Variants in KIF16B observed in about 807,000 individuals in gnomAD.
KIF16B encodes the protein kinesin family member 16B.
In KIF16B, 98 loss-of-function variants were observed where a neutral mutation model predicts 156.3. That is an observed-to-expected ratio of 0.63 (90% CI 0.53 to 0.74). KIF16B has a LOEUF of 0.74. KIF16B is among the 30% of genes least tolerant of loss of function. The pLI is 0.00. For synonymous variants in KIF16B, 564 were observed against 583.7 expected, an observed-to-expected ratio of 0.97 and a Z score of 0.49; for missense variants, 1,421 against 1,606.5, an observed-to-expected ratio of 0.88 and a Z score of 1.97.
chr20:16,558,930 G>C (rs1359530775), intron 1 of KIF16B, among the ~76,000 whole-genome samples: 4 of 151,448 alleles, frequency 2.6e-5, no homozygotes, highest in African/African-American at 4.8e-5. Flanking sequence ...AACCAAGTGG[G>C]GGTAAATTTG....
intron 24 of KIF16B, among the ~76,000 whole-genome samples, chr20:16,316,040 C>T (rs2063693210): frequency 6.6e-6 from 1 of 152,230 alleles, no homozygotes; most frequent in Admixed American, 6.5e-5. Context: ...TAGAAACCAC[C>T]TCCATGTCTC....
chr20:16,287,749 G>A (rs902208249), intron 25 of KIF16B, among the ~76,000 whole-genome samples: 1 of 152,202 alleles, frequency 6.6e-6, no homozygotes, highest in Admixed American at 6.5e-5. Context: ...AGCTTCTGGG[G>A]AAACCTCACA....
At chr20:16,412,836 A>G (rs1354677190) in intron 15 of KIF16B, among the ~76,000 whole-genome samples, 1 of 152,128 alleles carries the variant, frequency 6.6e-6, no homozygotes, top group African/African-American at 2.4e-5. Flanking sequence ...GTTAAAACTT[A>G]TATGTATACT....
intron 10 of KIF16B, among the ~76,000 whole-genome samples, chr20:16,498,972 T>C (rs893508296): frequency 2.6e-5 from 4 of 152,004 alleles, no homozygotes; most frequent in African/African-American, 9.7e-5. Flanking sequence ...ACCTGGTATC[T>C]GTATACTGAA....
chr20:16,537,473 T>C (rs1182965465), intron 1 of KIF16B, among the ~76,000 whole-genome samples: 3 of 152,092 alleles, frequency 2.0e-5, no homozygotes, highest in Non-Finnish European at 4.4e-5. Context: ...CCCCAGCCTC[T>C]GGCACATTGC....
chr20:16,487,546 T>C (rs2068157506), intron 12 of KIF16B, among the ~76,000 whole-genome samples: 1 of 152,220 alleles, frequency 6.6e-6, no homozygotes, highest in South Asian at 2.1e-4. Flanking sequence ...GTTGCCATAA[T>C]GTTCTGGAGA....
intron 17 of KIF16B, among the ~76,000 whole-genome samples, chr20:16,391,507 A>G (rs995347082): frequency 6.6e-6 from 1 of 152,168 alleles, no homozygotes; most frequent in Admixed American, 6.5e-5. Flanking sequence ...ATGCCGTGAG[A>G]TAAGTACTAT....
chr20:16,476,481 A>G (rs1314148515), intron 12 of KIF16B, among the ~76,000 whole-genome samples: 3 of 152,260 alleles, frequency 2.0e-5, no homozygotes, highest in Admixed American at 2.0e-4. Context: ...ATTAAAAGAC[A>G]TCTTGTTAAA....
intron 25 of KIF16B, among the ~76,000 whole-genome samples, chr20:16,294,658 G>C (rs1048951321): frequency 3.3e-5 from 5 of 151,404 alleles, no homozygotes; most frequent in Non-Finnish European, 7.4e-5. Context: ...TCAGAAAAGG[G>C]TGAGGGAGAA....
At chr20:16,391,494 C>T (rs772129793) in intron 17 of KIF16B, among the ~76,000 whole-genome samples, 10 of 152,116 alleles carry the variant, frequency 6.6e-5, no homozygotes, top group Admixed American at 2.0e-4. Flanking sequence ...ATACATAATG[C>T]GTATGCCGTG....
At chr20:16,288,904 A>G (rs1478428701) in intron 25 of KIF16B, among the ~76,000 whole-genome samples, 3 of 145,902 alleles carry the variant, frequency 2.1e-5, no homozygotes, top group African/African-American at 7.5e-5. Flanking sequence ...CGATGGGTTT[A>G]TTGGGATCCC....
intron 12 of KIF16B, among the ~76,000 whole-genome samples, chr20:16,468,033 T>A (rs1261686159): frequency 2.6e-5 from 4 of 152,154 alleles, no homozygotes; most frequent in Non-Finnish European, 5.9e-5. Context: ...ATATTAGTAA[T>A]CACTTTACAC....
At chr20:16,336,158 T>C (rs2064032962) in intron 23 of KIF16B, 143 bp from the exon 24 acceptor site, 1 of 596,382 alleles carries the variant, frequency 1.7e-6, no homozygotes, top group African/African-American at 1.9e-5. Flanking sequence ...TCTAGCTGCA[T>C]AAATACAACT....
chr20:16,528,508 C>A (rs2069633055), intron 1 of KIF16B, 68 bp from the exon 2 acceptor site: 1 of 1,168,160 alleles, frequency 8.6e-7, no homozygotes, highest in South Asian at 1.3e-5. Flanking sequence ...AAAACTAAAC[C>A]CATTTGTTTT....
At chr20:16,523,505 G>C (rs550227258) in intron 3 of KIF16B, among the ~76,000 whole-genome samples, 72 of 152,152 alleles carry the variant, frequency 4.7e-4, no homozygotes, top group African/African-American at 1.4e-3. Flanking sequence ...TCAAGGAGAA[G>C]TACAAACCAC....
At chr20:16,494,950 G>A (rs1483895398) in intron 11 of KIF16B, among the ~76,000 whole-genome samples, 1 of 152,292 alleles carries the variant, frequency 6.6e-6, no homozygotes, top group Admixed American at 6.5e-5. Context: ...TAACTTAGGG[G>A]AGTAAACACG....
intron 12 of KIF16B, among the ~76,000 whole-genome samples, chr20:16,450,092 A>G (rs765552907): frequency 1.3e-5 from 2 of 152,186 alleles, no homozygotes; most frequent in Non-Finnish European, 2.9e-5. Flanking sequence ...CTTTTCAAAA[A>G]TTATAAATGT....
At chr20:16,371,594 A>T (rs2064821579) in intron 21 of KIF16B, 71 bp downstream of exon 21, 1 of 1,006,082 alleles carries the variant, frequency 9.9e-7, no homozygotes, top group Non-Finnish European at 1.5e-6. Flanking sequence ...AGTCTCAAAA[A>T]AAAAAAAAAA....
chr20:16,331,203 A>G (rs2063942276), intron 24 of KIF16B, among the ~76,000 whole-genome samples: 1 of 152,224 alleles, frequency 6.6e-6, no homozygotes, highest in South Asian at 2.1e-4. Context: ...TTCCATGTAT[A>G]TATTGTTGAA....
Sources: gnomAD v4.1 joint callset for allele counts (sites outside exome capture counted in the v4.1 genomes callset) on GRCh38, gnomAD v4.1.1 for gene constraint, MANE v1.5 for transcripts, NCBI Gene and HGNC (gene_info 2026-07-23, HGNC 2026-07-21) for gene names.